The following CCDC85A variants were observed in gnomAD, a reference collection of about 807,000 sequenced individuals.
CCDC85A encodes the protein coiled-coil domain-containing protein 85A.
A neutral mutation model predicts 50.2 loss-of-function variants in CCDC85A; 38 were observed. The ratio of observed to expected loss-of-function variants is 0.76; its 90% confidence interval spans 0.58 to 0.99. The LOEUF is 0.99. Among genes scored for constraint, CCDC85A ranks in the 50% least tolerant of loss-of-function variants. CCDC85A has a pLI of 0.00. For missense variants in CCDC85A, 820 were observed against 742.0 expected (o/e 1.11, Z -1.22); for synonymous variants, 366 against 301.4 (o/e 1.21, Z -2.22).
intron 2 of CCDC85A, among the ~76,000 whole-genome samples, chr2:56,306,346 T>G (rs1672445830): frequency 6.6e-6 from 1 of 152,166 alleles, no homozygotes; most frequent in Non-Finnish European, 1.5e-5. Flanking sequence ...CAGGCTGGTC[T>G]TGAACTCCTG....
intron 2 of CCDC85A, among the ~76,000 whole-genome samples, chr2:56,229,210 C>T (rs1234368718): frequency 2.6e-5 from 4 of 152,154 alleles, no homozygotes; most frequent in Non-Finnish European, 4.4e-5. Flanking sequence ...CTTCATTTGT[C>T]ATTTTATTTC....
chr2:56,353,765 CA>C (rs1259956223), intron 3 of CCDC85A, among the ~76,000 whole-genome samples: 1 of 152,098 alleles, frequency 6.6e-6, no homozygotes, highest in Non-Finnish European at 1.5e-5. Flanking sequence ...AAATCCAGTG[CA>C]ACATTTTGAA....
Position 56,184,082 on chromosome 2 carries a change from C to A in CCDC85A, c.-543C>A. 1 of 985,362 alleles carries A rather than the reference C, an allele frequency of 1.0e-6. No homozygotes were observed. Among genetic ancestry groups the A allele is most frequent in the Non-Finnish European group, 1.2e-6 (1 of 829,980 alleles). 61.0% of individuals were successfully genotyped at this position (985,362 alleles called of 1,614,324 possible). ...AAGGCGGCAGGAGGAGCGCAGCAGCCTTCGGGCAGCCGCGGCGGCGTCGCT... is the reference window on the plus strand; with the variant it reads ...AAGGCGGCAGGAGGAGCGCAGCAGCATTCGGGCAGCCGCGGCGGCGTCGCT... On this transcript the variant is annotated 5_prime_UTR_variant, in exon 1 of 6. Coordinates refer to ENST00000407595, the MANE Select transcript of CCDC85A (RefSeq NM_001080433.2).
chr2:56,354,206 T>C (rs1675108586), intron 3 of CCDC85A, among the ~76,000 whole-genome samples: 1 of 152,216 alleles, frequency 6.6e-6, no homozygotes. Context: ...CTAAGTGTAA[T>C]TTATACCCAA....
intron 2 of CCDC85A, among the ~76,000 whole-genome samples, chr2:56,262,013 C>A (rs979029820): frequency 6.6e-6 from 1 of 152,080 alleles, no homozygotes; most frequent in Non-Finnish European, 1.5e-5. Flanking sequence ...TTCATTCATC[C>A]AATAAGTAGT....
intron 4 of CCDC85A, among the ~76,000 whole-genome samples, chr2:56,373,058 G>A (rs1018847010): frequency 9.2e-5 from 14 of 152,138 alleles, no homozygotes; most frequent in Non-Finnish European, 1.9e-4. Context: ...TCTGCTAAGC[G>A]CATAGAAAAC....
intron 1 of CCDC85A, chr2:56,185,814 T>C (rs943526451): frequency 6.6e-6 from 1 of 152,386 alleles, no homozygotes; most frequent in African/African-American, 2.4e-5. Context: ...CACCACAAAC[T>C]TCCTCTCCTT....
intron 2 of CCDC85A, among the ~76,000 whole-genome samples, chr2:56,309,077 T>A (rs1672571704): frequency 6.6e-6 from 1 of 152,174 alleles, no homozygotes; most frequent in Non-Finnish European, 1.5e-5. Flanking sequence ...ATTAATACGA[T>A]AGTTCTGCTG....
intron 1 of CCDC85A, among the ~76,000 whole-genome samples, chr2:56,190,745 G>C (rs1056697020): frequency 6.6e-6 from 1 of 152,140 alleles, no homozygotes; most frequent in African/African-American, 2.4e-5. Flanking sequence ...ACACGTCCAA[G>C]CCACCATCAT....
chr2:56,248,215 C>T (rs1669596131), intron 2 of CCDC85A, among the ~76,000 whole-genome samples: 1 of 152,172 alleles, frequency 6.6e-6, no homozygotes, highest in East Asian at 1.9e-4. Flanking sequence ...GAATATTCTG[C>T]CAGCCATCAG....
At position 56,384,542 on chromosome 2, in the gene CCDC85A, C is replaced by G; in HGVS notation, c.*187C>G. On this transcript the variant is annotated 3_prime_UTR_variant, in exon 6 of 6. Coordinates refer to ENST00000407595, the MANE Select transcript of CCDC85A (RefSeq NM_001080433.2). The stretch of plus-strand genomic sequence containing the variant: ...CCCCTCAAGCTGATATTCTGTGTCT[C>G]TCACCTCAATGTCCACAACAGTCAA... 1.8e-6 allele frequency: 1 copy of G among 549,528 alleles called. No homozygotes were observed. 34.0% of individuals were successfully genotyped at this position (549,528 alleles called of 1,614,324 possible). A position where few individuals can be genotyped will look rare whatever the true frequency, so the allele number is the denominator to read the frequency against.
chr2:56,184,567 G>C lies in CCDC85A; in HGVS notation c.-58G>C. On this transcript the variant is annotated 5_prime_UTR_variant, in exon 1 of 6. Transcript: ENST00000407595. The stretch of plus-strand genomic sequence containing the variant: ...GCGGAGGCGGCCTCGCCGCGCCCGC[G>C]CCTTCGGGAGTCGCCTCGCCTCTTC... 7.3e-7 allele frequency: 1 copy of C among 1,360,874 alleles called. No individual in the cohort carries two copies. The highest frequency in any genetic ancestry group is 9.4e-7 in the Non-Finnish European group (1 of 1,066,028). 84.3% of individuals were successfully genotyped at this position (1,360,874 alleles called of 1,614,324 possible). A position where few individuals can be genotyped will look rare whatever the true frequency, so the allele number is the denominator to read the frequency against.
At position 56,344,569 on chromosome 2, in the gene CCDC85A, A is replaced by C. The variant is rs537939995; in HGVS notation, c.1317+1614A>C. Among the ~76,000 whole-genome samples the C allele has an allele frequency of 1.8e-4, 28 of 152,358 alleles. No individual in the cohort carries two copies. The South Asian group carries it at 5.8e-3, about 32-fold the overall frequency. ...TCTTCTCAAACTGTACATGTGTTAA[A>C]ATTCATGATGACAGAAGAGATTGTG... is the stretch of plus-strand genomic sequence containing the variant. On this transcript the variant is annotated intron_variant, in intron 3 of 5. Coordinates refer to ENST00000407595, the MANE Select transcript of CCDC85A (RefSeq NM_001080433.2).
chr2:56,351,634 G>A (rs1376722663), intron 3 of CCDC85A, among the ~76,000 whole-genome samples: 2 of 144,628 alleles, frequency 1.4e-5, no homozygotes, highest in African/African-American at 5.3e-5. Flanking sequence ...GTGTTTTTTG[G>A]CTGCATAAAT....
chr2:56,188,613 G>A (rs1263676994), intron 1 of CCDC85A, among the ~76,000 whole-genome samples: 1 of 152,222 alleles, frequency 6.6e-6, no homozygotes, highest in African/African-American at 2.4e-5. Context: ...AATTTTTGGA[G>A]CTTAGAAAGA....
chr2:56,377,590 A>C (rs1232896299), intron 5 of CCDC85A, among the ~76,000 whole-genome samples: 2 of 152,212 alleles, frequency 1.3e-5, no homozygotes, highest in Non-Finnish European at 1.5e-5. Context: ...AGGGCAAGGA[A>C]GAGCTCCTCA....
At chr2:56,303,104 C>T (rs969023698) in intron 2 of CCDC85A, among the ~76,000 whole-genome samples, 6 of 152,156 alleles carry the variant, frequency 3.9e-5, no homozygotes, top group Non-Finnish European at 8.8e-5. Context: ...CCGACCTCAT[C>T]CTCATCCCAG....
At chr2:56,320,604 C>T (rs1449259713) in intron 2 of CCDC85A, among the ~76,000 whole-genome samples, 5 of 152,010 alleles carry the variant, frequency 3.3e-5, no homozygotes, top group Admixed American at 6.6e-5. Flanking sequence ...AAGTTGAATC[C>T]CTGAAGAGAC....
Position 56,329,945 on chromosome 2 carries a change from GTTTTTTTTTTTTTTTTTTTTTTT to G in CCDC85A, c.1241-12920_1241-12898del, listed in dbSNP as rs535050957. On this transcript the variant is annotated intron_variant, in intron 2 of 5. Transcript: ENST00000407595. ...AAAATTTGTTTTTTACAGATTTCCTGTTTTTTTTTTTTTTTTTTTTTTTTTTTTTTTTTTTTACCAATTTCCTT... is the reference window on the plus strand; with the variant it reads ...AAAATTTGTTTTTTACAGATTTCCTGTTTTTTTTTTTTTACCAATTTCCTT... 6.8e-5 allele frequency among the ~76,000 whole-genome samples: 3 copies of G among 44,118 alleles called. No individual in the cohort carries two copies. The Admixed American group carries it at 9.4e-4, about 14-fold the overall frequency. The allele number at this position is 44,118 out of a possible 152,430, so 28.9% of individuals were successfully genotyped here. A position where few individuals can be genotyped will look rare whatever the true frequency, so the allele number is the denominator to read the frequency against.
Sources: gnomAD v4.1 joint callset for allele counts (sites outside exome capture counted in the v4.1 genomes callset) on GRCh38, gnomAD v4.1.1 for gene constraint, MANE v1.5 for transcripts, NCBI Gene and HGNC (gene_info 2026-07-23, HGNC 2026-07-21) for gene names.